SOS2: variants seen among roughly 807,000 people sequenced by gnomAD.
SOS2 encodes the protein SOS Ras/Rho guanine nucleotide exchange factor 2.
In SOS2, 65 loss-of-function variants were observed where a neutral mutation model predicts 148.2. The observed-to-expected ratio is 0.44, with a 90% CI of 0.36 to 0.54. The LOEUF (loss-of-function observed/expected upper bound fraction) is 0.54, where lower values mean the gene tolerates loss of function less well. Ranked by LOEUF, SOS2 falls within the 20% of genes least tolerant of loss-of-function variation. The pLI is 0.00. For missense variants in SOS2, 1,341 were observed against 1,590.2 expected (o/e 0.84, Z 2.67); for synonymous variants, 539 against 537.1 (o/e 1.00, Z -0.05).
intron 10 of SOS2, 46 bp from the exon 11 acceptor site, chr14:50,158,692 G>T: frequency 8.1e-7 from 1 of 1,234,964 alleles, no homozygotes; most frequent in Non-Finnish European, 1.2e-6. Flanking sequence ...AATGTATTCA[G>T]TTTAATTAAC....
At position 50,118,055 on chromosome 14, in the gene SOS2, T is replaced by C. The variant is rs1371822240; in HGVS notation, c.*289A>G. 3.2e-6 allele frequency: 1 copy of C among 309,402 alleles called. No individual in the cohort carries two copies. Among genetic ancestry groups the C allele is most frequent in the Non-Finnish European group, 5.9e-6 (1 of 168,196 alleles). The allele number at this position is 309,402 out of a possible 1,614,324, so 19.2% of individuals were successfully genotyped here. On this transcript the variant is annotated 3_prime_UTR_variant, in exon 23 of 23. Transcript: ENST00000216373. ...TCCCTTTTCAGTGCAATCATGTCACTTTAAACCATATTTTTGCAGAGTTTA... is the reference window on the plus strand; with the variant it reads ...TCCCTTTTCAGTGCAATCATGTCACCTTAAACCATATTTTTGCAGAGTTTA...
chr14:50,186,265 A>T (rs988588304), intron 5 of SOS2, among the ~76,000 whole-genome samples: 1 of 152,236 alleles, frequency 6.6e-6, no homozygotes, highest in Non-Finnish European at 1.5e-5. Flanking sequence ...TAGTATTAAA[A>T]TAGACATTTT....
rs1178530624 is a variant in SOS2 at position 50,130,708 on chromosome 14, G to T, written c.3130C>A (p.Arg1044=). Residue 1044 remains arginine (R), a synonymous_variant, in exon 20 of 23, where the codon CGA becomes AGA. Transcript: ENST00000216373. ...KSPGIRPNTG[R]HGSTSGTLRG... ...AAAGTACCTGAGGTAGAGCCATGTC[G>T]GCCTGTGTTAGGCCTTATTCCAGGA... The T allele has an allele frequency of 1.2e-6, 2 of 1,613,878 alleles. No homozygotes were observed. The highest frequency in any genetic ancestry group is 3.3e-5 in the Admixed American group (2 of 60,006).
At chr14:50,172,550 T>TA (rs1310583912) in intron 8 of SOS2, among the ~76,000 whole-genome samples, 2 of 151,634 alleles carry the variant, frequency 1.3e-5, no homozygotes, top group East Asian at 3.9e-4. Context: ...TAGTAGAGAC[T>TA]AAAAACATGA....
intron 16 of SOS2, among the ~76,000 whole-genome samples, chr14:50,140,809 T>C (rs1020823052): frequency 1.3e-5 from 2 of 152,064 alleles, no homozygotes; most frequent in Non-Finnish European, 2.9e-5. Context: ...AATCTACATA[T>C]AGAATGTTAA....
intron 10 of SOS2, 133 bp downstream of exon 10, chr14:50,159,298 C>T: frequency 2.0e-5 from 11 of 542,958 alleles, no homozygotes; most frequent in Middle Eastern, 3.0e-4. Flanking sequence ...TTATTTATTC[C>T]TTTTGTTTTT....
intron 2 of SOS2, among the ~76,000 whole-genome samples, chr14:50,201,644 T>C (rs955786967): frequency 6.6e-6 from 1 of 150,484 alleles, no homozygotes; most frequent in Non-Finnish European, 1.5e-5. Flanking sequence ...ATAATTAAGA[T>C]GAACCGGAAA....
At chr14:50,126,911 G>GAA (rs5808536) in intron 21 of SOS2, among the ~76,000 whole-genome samples, 3,097 of 150,096 alleles carry the variant, frequency 0.021, 75 homozygotes, top group Non-Finnish European at 0.026. Flanking sequence ...ATGACAAAAT[G>GAA]AAAAAAAAAA....
chr14:50,121,337 C>G (rs1169141372), intron 21 of SOS2, among the ~76,000 whole-genome samples: 2 of 152,190 alleles, frequency 1.3e-5, no homozygotes, highest in Admixed American at 1.3e-4. Flanking sequence ...GTTACAAAGG[C>G]AGCAACTATG....
chr14:50,178,016 C>T (rs1885581966), intron 7 of SOS2, among the ~76,000 whole-genome samples: 1 of 152,066 alleles, frequency 6.6e-6, no homozygotes, highest in African/African-American at 2.4e-5. Flanking sequence ...AACAGAAAAA[C>T]AGGGGCTGAT....
At chr14:50,187,710 T>C (rs928711912) in intron 5 of SOS2, among the ~76,000 whole-genome samples, 3 of 152,168 alleles carry the variant, frequency 2.0e-5, no homozygotes, top group Admixed American at 6.5e-5. Flanking sequence ...AATCATGTGA[T>C]AAAAGAAAGA....
chr14:50,135,131 T>G (rs1054847044), intron 18 of SOS2, among the ~76,000 whole-genome samples: 1 of 143,078 alleles, frequency 7.0e-6, no homozygotes, highest in African/African-American at 2.6e-5. Flanking sequence ...GATTATAAAG[T>G]TAAACCTATC....
At chr14:50,191,890 C>T (rs944893972) in intron 4 of SOS2, among the ~76,000 whole-genome samples, 1 of 151,726 alleles carries the variant, frequency 6.6e-6, no homozygotes, top group African/African-American at 2.4e-5. Context: ...ACCTAGAGAC[C>T]CTATTCACTA....
At chr14:50,153,439 T>C (rs574320237) in intron 12 of SOS2, among the ~76,000 whole-genome samples, 3 of 152,328 alleles carry the variant, frequency 2.0e-5, no homozygotes, top group African/African-American at 7.2e-5. Flanking sequence ...CCCATTTATG[T>C]TAAGGAAAAG....
chr14:50,231,853 G>C (rs368725759), upstream of SOS2, among the ~76,000 whole-genome samples: 1 of 152,212 alleles, frequency 6.6e-6, no homozygotes, highest in South Asian at 2.1e-4. Context: ...GCTGGCCGCC[G>C]TTGCTGCCCC....
chr14:50,130,883 C>CTGAAGGACTGCACG, intron 19 of SOS2, 121 bp from the exon 20 acceptor site: 1 of 753,582 alleles, frequency 1.3e-6, no homozygotes, highest in Non-Finnish European at 2.1e-6. Flanking sequence ...AGCGTGCAGT[C>CTGAAGGACTGCACG]CTTCAGTCTG....
chr14:50,199,693 T>C lies in SOS2; in HGVS notation c.508A>G (p.Lys170Glu). 1.3e-6 allele frequency: 2 copies of C among 1,593,544 alleles called. No homozygotes were observed. Among genetic ancestry groups the C allele is most frequent in the Non-Finnish European group, 1.7e-6 (2 of 1,167,920 alleles). The stretch of plus-strand genomic sequence containing the variant: ...TTTAAATACCTTGTAACACTTACCT[T>C]ATCCGCACACATTGACACTTTAATG... Reference protein sequence around the residue: ...QDIKVSMCADKVLMDMFDQDD... With the variant: ...QDIKVSMCADEVLMDMFDQDD... Residue 170 changes from lysine (K) to glutamate (E), a missense_variant and splice_region_variant, in exon 4 of 23, where the codon AAG becomes GAG. By Grantham distance (56) the Lys-to-Glu change is moderately conservative (BLOSUM62 1). This residue lies in a region of SOS2 where 574 missense variants were observed against 711.1 expected (regional missense o/e 0.81). Coordinates refer to ENST00000216373, the MANE Select transcript of SOS2 (RefSeq NM_006939.4).
At position 50,117,637 on chromosome 14, in the gene SOS2, T is replaced by G. The variant is rs538742340; in HGVS notation, c.*707A>C. The G allele has an allele frequency of 1.1e-4, 17 of 152,222 alleles. No homozygotes were observed. The highest frequency in any genetic ancestry group is 4.1e-4 in the African/African-American group (17 of 41,470). The allele number at this position is 152,222 out of a possible 1,614,324, so 9.4% of individuals were successfully genotyped here. On this transcript the variant is annotated 3_prime_UTR_variant, in exon 23 of 23. Coordinates refer to ENST00000216373, the MANE Select transcript of SOS2 (RefSeq NM_006939.4). ...AACTGTTTTCCATAACAATAGGCAATTCATTAGCTAAAGACGTCATAGTCT... is the reference window on the plus strand; with the variant it reads ...AACTGTTTTCCATAACAATAGGCAAGTCATTAGCTAAAGACGTCATAGTCT...
At chr14:50,195,538 A>T (rs1366094137) in intron 4 of SOS2, among the ~76,000 whole-genome samples, 1 of 152,102 alleles carries the variant, frequency 6.6e-6, no homozygotes, top group Non-Finnish European at 1.5e-5. Context: ...GAGGCAAGAA[A>T]ATCACTAGAA....
Sources: gnomAD v4.1 joint callset for allele counts (sites outside exome capture counted in the v4.1 genomes callset) on GRCh38, gnomAD v4.1.1 for gene constraint, gnomAD v4.1.1 regional missense constraint, MANE v1.5 for transcripts, NCBI Gene and HGNC (gene_info 2026-07-23, HGNC 2026-07-21) for gene names.